Variants in IL1RAPL1 observed in about 807,000 individuals in gnomAD.
The protein encoded by IL1RAPL1 is interleukin-1 receptor accessory protein-like 1.
Under a neutral mutation model 48.4 loss-of-function variants are expected in IL1RAPL1, and 3 were observed. The observed-to-expected ratio is 0.06, with a 90% CI of 0.03 to 0.16. The LOEUF is 0.16. IL1RAPL1 is among the 10% of genes least tolerant of loss of function. The pLI is 1.00. For missense variants in IL1RAPL1, 349 were observed against 530.6 expected, an observed-to-expected ratio of 0.66 and a Z score of 3.36; for synonymous variants, 185 against 187.7, an observed-to-expected ratio of 0.99 and a Z score of 0.12.
intron 1 of IL1RAPL1, among the ~76,000 whole-genome samples, chrX:28,597,730 C>CAAAT (rs956810876): frequency 1.3e-4 from 14 of 110,239 alleles, no homozygotes; most frequent in South Asian, 7.9e-4. Context: ...AAACTCTGTT[C>CAAAT]AAATAAATAA....
chrX:29,759,156 A>G (rs192451073), intron 6 of IL1RAPL1, among the ~76,000 whole-genome samples: 11 of 112,495 alleles, frequency 9.8e-5, no homozygotes, highest in Non-Finnish European at 2.1e-4. Context: ...AGCTTCATTC[A>G]TATTACCCTC....
In IL1RAPL1 at chrX:28,941,342, A is replaced by C. The variant is rs1449178502; in HGVS notation, c.82+151917A>C. Among the ~76,000 whole-genome samples, 11 of 111,439 alleles carry C rather than the reference A, an allele frequency of 9.9e-5. No individual in the cohort carries two copies. In the Admixed American group the frequency reaches 1.1e-3, roughly 11 times the overall value. ...ATCTCTCTTGTTACAAGCTCTCTGC[A>C]AGATATTTACTTAAGAGTTGGATGA... On this transcript the variant is annotated intron_variant, in intron 2 of 10. Transcript: ENST00000378993.
At chrX:29,426,574 A>G (rs1934352627) in intron 5 of IL1RAPL1, among the ~76,000 whole-genome samples, 1 of 111,787 alleles carries the variant, frequency 8.9e-6, no homozygotes. Flanking sequence ...AACAATATTT[A>G]ACTACCCGTT....
At chrX:29,351,261 T>C (rs1933226995) in intron 3 of IL1RAPL1, among the ~76,000 whole-genome samples, 1 of 111,976 alleles carries the variant, frequency 8.9e-6, no homozygotes, top group Admixed American at 9.5e-5. Flanking sequence ...ATTCTGAATT[T>C]ATTTATATAA....
At chrX:28,929,439 G>T (rs770449589) in intron 2 of IL1RAPL1, among the ~76,000 whole-genome samples, 1 of 111,469 alleles carries the variant, frequency 9.0e-6, no homozygotes. Context: ...ATTCCTTACT[G>T]AAGTCACCAG....
intron 2 of IL1RAPL1, among the ~76,000 whole-genome samples, chrX:28,826,889 A>G (rs865786181): frequency 9.0e-6 from 1 of 111,212 alleles, no homozygotes; most frequent in Non-Finnish European, 1.9e-5. Context: ...GAACCAGTAC[A>G]TCTTGTGTGA....
chrX:29,175,532 C>T (rs1004627351), intron 2 of IL1RAPL1, among the ~76,000 whole-genome samples: 4 of 110,802 alleles, frequency 3.6e-5, no homozygotes, highest in African/African-American at 1.3e-4. Flanking sequence ...GATTTAGAAA[C>T]GACATGGAGT....
intron 3 of IL1RAPL1, among the ~76,000 whole-genome samples, chrX:29,329,163 A>G: frequency 9.0e-6 from 1 of 111,502 alleles, no homozygotes. Context: ...ACACACACAT[A>G]CACACACTCA....
chrX:29,795,359 C>T (rs181507440), intron 6 of IL1RAPL1, among the ~76,000 whole-genome samples: 68 of 112,088 alleles, frequency 6.1e-4, no homozygotes, highest in African/African-American at 2.1e-3. Context: ...ACCATATAAA[C>T]TCTCAGATAC....
At chrX:28,748,062 T>G (rs1935999743) in intron 1 of IL1RAPL1, among the ~76,000 whole-genome samples, 1 of 112,593 alleles carries the variant, frequency 8.9e-6, no homozygotes, top group Non-Finnish European at 1.9e-5. Flanking sequence ...CTAAATTCCT[T>G]AATTTGTTTT....
chrX:28,762,006 A>G (rs1936178995), intron 1 of IL1RAPL1, among the ~76,000 whole-genome samples: 1 of 111,787 alleles, frequency 8.9e-6, no homozygotes, highest in African/African-American at 3.3e-5. Flanking sequence ...GTGTCAGAAT[A>G]GATGAGAAAA....
chrX:29,220,690 A>T (rs1288993937), intron 2 of IL1RAPL1, among the ~76,000 whole-genome samples: 1 of 112,242 alleles, frequency 8.9e-6, no homozygotes, highest in African/African-American at 3.2e-5. Context: ...TACAACAAAT[A>T]CATAGATCTT....
At chrX:29,345,394 C>T (rs774522707) in intron 3 of IL1RAPL1, among the ~76,000 whole-genome samples, 2 of 112,065 alleles carry the variant, frequency 1.8e-5, no homozygotes, top group African/African-American at 3.2e-5. Context: ...TTCTCACAAG[C>T]TCTGGTTTTC....
chrX:28,591,554 A>C (rs140405467), intron 1 of IL1RAPL1, among the ~76,000 whole-genome samples: 1,602 of 112,249 alleles, frequency 0.014, 10 homozygotes, highest in South Asian at 0.034. Context: ...TTGAGATTTA[A>C]AAGTAGCAAG....
intron 2 of IL1RAPL1, among the ~76,000 whole-genome samples, chrX:28,972,663 T>C (rs1009771596): frequency 1.4e-4 from 15 of 110,982 alleles, no homozygotes; most frequent in African/African-American, 3.6e-4. Flanking sequence ...GGCGTGAACC[T>C]AGGAGGCGGA....
chrX:28,749,522 G>A (rs996812271), intron 1 of IL1RAPL1, among the ~76,000 whole-genome samples: 3 of 111,545 alleles, frequency 2.7e-5, no homozygotes, highest in African/African-American at 9.8e-5. Context: ...GTGATGTTGA[G>A]CATTTTTTTC....
intron 1 of IL1RAPL1, among the ~76,000 whole-genome samples, chrX:28,599,208 C>T (rs1170340739): frequency 2.9e-5 from 3 of 103,264 alleles, no homozygotes; most frequent in African/African-American, 1.1e-4. Flanking sequence ...TTGCACCATG[C>T]ACCATTGCAC....
intron 6 of IL1RAPL1, among the ~76,000 whole-genome samples, chrX:29,803,158 T>TATGCATATATGTATATATGTGTATACAC (rs1930071840): frequency 2.4e-5 from 2 of 84,731 alleles, no homozygotes; most frequent in Non-Finnish European, 4.4e-5. Flanking sequence ...TGTGTATACA[T>TATGCATATATGTATATATGTGTATACAC]GCATACACAT....
rs1489179624 is a variant in IL1RAPL1, at chrX:29,230,523, A to AC, written c.83-52415_83-52414insC. Among the ~76,000 whole-genome samples the AC allele has an allele frequency of 3.2e-5, 3 of 93,339 alleles. 1 individual carries two copies. Among genetic ancestry groups the AC allele is most frequent in the African/African-American group, 1.3e-4 (3 of 23,953 alleles). The allele number at this position is 93,339 out of a possible 115,157, so 81.1% of individuals were successfully genotyped here. A position where few individuals can be genotyped will look rare whatever the true frequency, so the allele number is the denominator to read the frequency against. On this transcript the variant is annotated intron_variant, in intron 2 of 10. Coordinates refer to ENST00000378993, the MANE Select transcript of IL1RAPL1 (RefSeq NM_014271.4). ...CTTTACCAAAAAAAAAAAAAAAAAA[A>AC]AAAAAAAAAAAACCTTGTTGTCTCT...
Sources: gnomAD v4.1 joint callset for allele counts (sites outside exome capture counted in the v4.1 genomes callset) on GRCh38, gnomAD v4.1.1 for gene constraint, MANE v1.5 for transcripts, NCBI Gene and HGNC (gene_info 2026-07-23, HGNC 2026-07-21) for gene names.